The following JMJD7 variants were observed in gnomAD, a reference collection of about 807,000 sequenced individuals.
The protein encoded by JMJD7 is jumonji domain containing 7.
JMJD7 carries 41 observed loss-of-function variants against 41.1 expected under a neutral mutation model. The observed-to-expected ratio is 1.00, with a 90% CI of 0.78 to 1.30. JMJD7 has a LOEUF of 1.30. Ranked by LOEUF, JMJD7 falls within the 50% of genes most tolerant of loss-of-function variation. The pLI, the probability that JMJD7 is intolerant of heterozygous loss-of-function variation, is 0.00. For missense variants in JMJD7, 480 were observed against 420.7 expected (o/e 1.14, Z -1.23); for synonymous variants, 202 against 177.2 (o/e 1.14, Z -1.11).
rs1422744908 is a variant in JMJD7 at position 41,836,474 on chromosome 15, G to A, written c.626-1G>A. ...CCACACCCTTCTCCCTTGGGCTCCA[G>A]AGCTGTACACGCCGGCAACCTACCA... On this transcript the variant is annotated splice_acceptor_variant, in intron 5 of 7. Coordinates refer to ENST00000397299, the MANE Select transcript of JMJD7 (RefSeq NM_001114632.2). LOFTEE classifies it high-confidence loss of function. 1 of 1,580,698 alleles carries A rather than the reference G, an allele frequency of 6.3e-7. No homozygotes were observed. The highest frequency in any genetic ancestry group is 8.6e-7 in the Non-Finnish European group (1 of 1,162,320).
chr15:41,835,216 A>T lies in JMJD7; in HGVS notation c.465A>T (p.Glu155Asp). The T allele has an allele frequency of 6.3e-7, 1 of 1,598,386 alleles. No individual in the cohort carries two copies. The highest frequency in any genetic ancestry group is 8.5e-7 in the Non-Finnish European group (1 of 1,179,488). Residue 155 changes from glutamate to aspartate, a missense_variant, in exon 3 of 8, where the codon GAA (glutamate) becomes GAT (aspartate). Physicochemically the swap from Glu to Asp is conservative, Grantham distance 45 (BLOSUM62 2). Coordinates refer to ENST00000397299, the MANE Select transcript of JMJD7 (RefSeq NM_001114632.2). Reference protein sequence around the residue: ...DLESHVPWASEALGKMPDAVN... With the variant: ...DLESHVPWASDALGKMPDAVN... Reference sequence around the variant, plus strand: ...AATCCCATGTGCCCTGGGCCTCCGAAGCCCTGGGTGAGTGGAGGTGGGGTG... The same window carrying T: ...AATCCCATGTGCCCTGGGCCTCCGATGCCCTGGGTGAGTGGAGGTGGGGTG...
At chr15:41,834,115 G>A (rs2065273752) in intron 1 of JMJD7, among the ~76,000 whole-genome samples, 1 of 152,204 alleles carries the variant, frequency 6.6e-6, no homozygotes, top group Admixed American at 6.5e-5. Context: ...AGATGGTGAT[G>A]CTGTTCAGCA....
At position 41,837,085 on chromosome 15, in the gene JMJD7, A is replaced by G. The variant is rs775224020; in HGVS notation, c.880A>G (p.Met294Val). ...GCIAVNFWYD[M>V]EYDLKYSYFQ... is the part of the protein sequence containing the mutation. ...TCCCACAGTGAATTTCTGGTATGAC[A>G]TGGAATACGACCTCAAGTATAGTTA... is the stretch of plus-strand genomic sequence containing the variant. Residue 294 changes from methionine to valine, a missense_variant, in exon 8 of 8, where the codon ATG (methionine) becomes GTG (valine). By Grantham distance (21) the Met-to-Val change is conservative (BLOSUM62 1). Coordinates refer to ENST00000397299, the MANE Select transcript of JMJD7 (RefSeq NM_001114632.2). 5.0e-6 allele frequency: 8 copies of G among 1,613,486 alleles called. No homozygotes were observed. The Admixed American group carries it at 6.7e-5, about 13-fold the overall frequency.
intron 4 of JMJD7, 62 bp downstream of exon 4, chr15:41,835,706 G>A (rs950292524): frequency 5.1e-6 from 8 of 1,570,810 alleles, no homozygotes; most frequent in Middle Eastern, 1.7e-4. Flanking sequence ...GAGGGAAGAC[G>A]AGGCCAGGAG....
chr15:41,832,674 TCTCA>T (rs1394014781), intron 1 of JMJD7, among the ~76,000 whole-genome samples: 1 of 152,200 alleles, frequency 6.6e-6, no homozygotes, highest in Admixed American at 6.5e-5. Context: ...AGTGGGGTCT[TCTCA>T]CTCAGTTACA....
chr15:41,829,376 A>G (rs2065193693), intron 1 of JMJD7: 1 of 152,310 alleles, frequency 6.6e-6, no homozygotes. Flanking sequence ...CAGTGGCACG[A>G]TCATAGCTCG....
chr15:41,835,495 C>T, intron 3 of JMJD7, 93 bp from the exon 4 acceptor site: 8 of 1,530,636 alleles, frequency 5.2e-6, no homozygotes, highest in South Asian at 2.5e-5. Context: ...TGGGATTCTT[C>T]TGTGCTCACC....
intron 1 of JMJD7, among the ~76,000 whole-genome samples, chr15:41,831,423 G>A (rs1332139368): frequency 6.6e-6 from 1 of 152,254 alleles, no homozygotes; most frequent in Non-Finnish European, 1.5e-5. Context: ...GTGTGGCTGT[G>A]AGAGATGCAG....
chr15:41,836,609 G>T, intron 6 of JMJD7, 58 bp downstream of exon 6: 1 of 1,491,254 alleles, frequency 6.7e-7, no homozygotes, highest in South Asian at 1.3e-5. Flanking sequence ...TGGCTCTGAA[G>T]AACAGGCACA....
intron 1 of JMJD7, among the ~76,000 whole-genome samples, chr15:41,833,868 A>T (rs1446169849): frequency 6.6e-6 from 1 of 152,170 alleles, no homozygotes; most frequent in East Asian, 1.9e-4. Flanking sequence ...TTGAGTGAGG[A>T]CCCAAAGGAG....
At chr15:41,835,997 G>C in intron 4 of JMJD7, 151 bp from the exon 5 acceptor site, 1 of 778,860 alleles carries the variant, frequency 1.3e-6, no homozygotes, top group Non-Finnish European at 2.0e-6. Flanking sequence ...ATGCCCATCA[G>C]AGCCCCTGGC....
At chr15:41,829,379 A>G (rs2065193789) in intron 1 of JMJD7, 1 of 152,318 alleles carries the variant, frequency 6.6e-6, no homozygotes, top group Non-Finnish European at 1.5e-5. Context: ...TGGCACGATC[A>G]TAGCTCGCTG....
At position 41,828,149 on chromosome 15, in the gene JMJD7, G is replaced by T. The variant is rs749232174; in HGVS notation, c.25G>T (p.Val9Leu). 4 of 1,486,804 alleles carry T rather than the reference G, an allele frequency of 2.7e-6. No homozygotes were observed. In the African/African-American group the frequency reaches 4.5e-5, roughly 17 times the overall value. 92.1% of individuals were successfully genotyped at this position (1,486,804 alleles called of 1,614,324 possible). The change falls in exon 1 of 8, where the codon GTG (valine) becomes TTG (leucine). Residue 9 changes from valine (V) to leucine (L), a missense_variant. Val to Leu is a conservative substitution (Grantham distance 32, BLOSUM62 1). Transcript: ENST00000397299. MAEAALEA[V>L]RSELREFPAA... is the part of the protein sequence containing the mutation. ...CATGGCGGAGGCGGCTTTGGAAGCCGTGCGGAGCGAGTTACGAGAATTCCC... is the reference window on the plus strand; with the variant it reads ...CATGGCGGAGGCGGCTTTGGAAGCCTTGCGGAGCGAGTTACGAGAATTCCC...
chr15:41,831,342 C>T (rs1432607608), intron 1 of JMJD7, among the ~76,000 whole-genome samples: 1 of 152,180 alleles, frequency 6.6e-6, no homozygotes, highest in Admixed American at 6.5e-5. Flanking sequence ...GGGGTCTTCT[C>T]ACTCAGTTAC....
At chr15:41,836,415 G>A (rs1484101543) in intron 5 of JMJD7, 60 bp from the exon 6 acceptor site, 2 of 1,557,690 alleles carry the variant, frequency 1.3e-6, no homozygotes, top group African/African-American at 1.4e-5. Context: ...GGGTGGAGGA[G>A]GGTCTGGCAA....
In JMJD7 at chr15:41,836,548, G is replaced by C. The variant is rs1197675106; in HGVS notation, c.699G>C (p.Glu233Asp). 1 of 1,580,262 alleles carries C rather than the reference G, an allele frequency of 6.3e-7. No homozygotes were observed. Among genetic ancestry groups the C allele is most frequent in the East Asian group, 2.3e-5 (1 of 43,980 alleles). Residue 233 changes from glutamate (E) to aspartate (D), a missense_variant, in exon 6 of 8, where the codon GAG becomes GAC. Transcript: ENST00000397299. ...TFKVVDEEAM[E>D]KVPWIPLDPL... is the part of the protein sequence containing the mutation. ...AGGTGGTGGATGAAGAGGCCATGGA[G>C]AAGGTGTCTGTCCTGTTCTTGGGCT...
At chr15:41,828,337 C>T in intron 1 of JMJD7, 149 bp downstream of exon 1, 2 of 957,172 alleles carry the variant, frequency 2.1e-6, no homozygotes, top group South Asian at 2.5e-5. Context: ...CTTCCCTTCT[C>T]CCGTGTTCGC....
rs977940191 is a variant in JMJD7 at position 41,837,495 on chromosome 15, C to T, written c.*339C>T. On this transcript the variant is annotated 3_prime_UTR_variant, in exon 8 of 8. Transcript: ENST00000397299. ...AAGAGATAATAATGGCTGTACCTCG[C>T]GGGGCTGTTGTGGGCTTGGAGATGA... is the stretch of plus-strand genomic sequence containing the variant. 20 of 320,326 alleles carry T rather than the reference C, an allele frequency of 6.2e-5. No individual in the cohort carries two copies. Among genetic ancestry groups the T allele is most frequent in the Admixed American group, 5.2e-4 (11 of 21,112 alleles). The allele number at this position is 320,326 out of a possible 1,614,324, so 19.8% of individuals were successfully genotyped here.
intron 1 of JMJD7, chr15:41,832,584 A>G (rs1191981802): frequency 6.6e-6 from 1 of 152,262 alleles, no homozygotes; most frequent in African/African-American, 2.4e-5. Flanking sequence ...TTCCATATCT[A>G]CTGGATGGGT....
Sources: allele counts gnomAD v4.1 joint callset (sites outside exome capture counted in the v4.1 genomes callset), GRCh38; gene constraint gnomAD v4.1.1; transcripts MANE v1.5; gene names NCBI Gene and HGNC (gene_info 2026-07-23, HGNC 2026-07-21).